BICRA: variants seen among roughly 807,000 people sequenced by gnomAD.
The protein encoded by BICRA is BRD4 interacting chromatin remodeling complex associated protein.
In BICRA, 31 loss-of-function variants were observed where a neutral mutation model predicts 96.9. The ratio of observed to expected loss-of-function variants is 0.32; its 90% CI spans 0.24 to 0.43. The LOEUF is 0.43. Among genes scored for constraint, BICRA ranks in the 20% least tolerant of loss-of-function variants. The pLI is 1.00. For missense variants in BICRA, 2,283 were observed against 2,190.3 expected (o/e 1.04, Z -0.84); for synonymous variants, 1,350 against 1,071.8 (o/e 1.26, Z -5.07).
At chr19:47,665,335 A>C (rs974766013) in intron 1 of BICRA, among the ~76,000 whole-genome samples, 1 of 152,254 alleles carries the variant, frequency 6.6e-6, no homozygotes, top group African/African-American at 2.4e-5. Context: ...TGTATGCCAC[A>C]TAATGTGCCA....
At chr19:47,695,623 C>G in intron 10 of BICRA, 149 bp downstream of exon 10, 1 of 608,132 alleles carries the variant, frequency 1.6e-6, no homozygotes, top group Non-Finnish European at 3.0e-6. Context: ...AACAGCCGTG[C>G]AGGGACAGGA....
chr19:47,647,516 C>T (rs557528569), intron 1 of BICRA, among the ~76,000 whole-genome samples: 35 of 152,158 alleles, frequency 2.3e-4, no homozygotes, highest in Middle Eastern at 3.4e-3. Flanking sequence ...ATGTGTTTTG[C>T]GGTCCACCTC....
intron 1 of BICRA, among the ~76,000 whole-genome samples, chr19:47,628,952 T>C (rs902966841): frequency 8.6e-5 from 13 of 151,670 alleles, no homozygotes; most frequent in African/African-American, 3.2e-4. Flanking sequence ...AAATGTACTT[T>C]TATTATGTAA....
chr19:47,629,150 C>T (rs985969775), intron 1 of BICRA, among the ~76,000 whole-genome samples: 4 of 152,132 alleles, frequency 2.6e-5, no homozygotes, highest in African/African-American at 9.7e-5. Flanking sequence ...TACAGGTGCC[C>T]ACCACCACGC....
chr19:47,623,827 G>A (rs777230199), intron 1 of BICRA, among the ~76,000 whole-genome samples: 27 of 151,154 alleles, frequency 1.8e-4, no homozygotes, highest in Middle Eastern at 6.9e-3. Context: ...GTGGAAGGAA[G>A]TGTTCTTTCT....
rs143580756 is a variant in BICRA, at chr19:47,634,954, G to A, written c.-108+25786G>A. Among the ~76,000 whole-genome samples, 1,069 of 151,848 alleles carry A rather than the reference G, an allele frequency of 7.0e-3. 9 individuals carry two copies. The highest frequency in any genetic ancestry group is 0.014 in the South Asian group (69 of 4,780). The stretch of plus-strand genomic sequence containing the variant: ...ATTTTTTGTATTTTTAGTAGAGATG[G>A]GGTTTCACTGTGTTAGCCAAGATGG... On this transcript the variant is annotated intron_variant, in intron 1 of 14. Transcript: ENST00000594866.
chr19:47,652,189 G>A (rs1323272274), intron 1 of BICRA, among the ~76,000 whole-genome samples: 2 of 152,110 alleles, frequency 1.3e-5, no homozygotes, highest in Non-Finnish European at 2.9e-5. Context: ...TGGAGGGGAG[G>A]AAGGTCATCT....
At chr19:47,651,920 C>T (rs1972546739) in intron 1 of BICRA, among the ~76,000 whole-genome samples, 1 of 152,176 alleles carries the variant, frequency 6.6e-6, no homozygotes, top group Non-Finnish European at 1.5e-5. Flanking sequence ...GGCTGCAAAC[C>T]CACGGCTTGC....
chr19:47,632,788 C>A (rs1267967813), intron 1 of BICRA, among the ~76,000 whole-genome samples: 1 of 152,166 alleles, frequency 6.6e-6, no homozygotes, highest in African/African-American at 2.4e-5. Context: ...CAGGCCCACC[C>A]AGCCTAGGGA....
chr19:47,625,357 C>T (rs1386288066), intron 1 of BICRA, among the ~76,000 whole-genome samples: 4 of 148,158 alleles, frequency 2.7e-5, no homozygotes, highest in African/African-American at 1.0e-4. Flanking sequence ...ATTGCGGTGG[C>T]GTGATTGTGG....
At chr19:47,649,994 C>T (rs1021771827) in intron 1 of BICRA, among the ~76,000 whole-genome samples, 6 of 151,988 alleles carry the variant, frequency 3.9e-5, no homozygotes, top group African/African-American at 4.8e-5. Context: ...CTCTGTCGCC[C>T]GAACTGGAGT....
chr19:47,638,240 G>A (rs1001494857), intron 1 of BICRA, among the ~76,000 whole-genome samples: 6 of 152,180 alleles, frequency 3.9e-5, no homozygotes, highest in Non-Finnish European at 1.5e-5. Context: ...CCCCCCTCAG[G>A]GAGGCCTCAG....
chr19:47,669,517 T>C (rs1972831354), intron 1 of BICRA, among the ~76,000 whole-genome samples: 1 of 152,134 alleles, frequency 6.6e-6, no homozygotes, highest in Non-Finnish European at 1.5e-5. Context: ...TAGTATAATG[T>C]TATATACTAT....
At position 47,679,457 on chromosome 19, in the gene BICRA, G is replaced by C; in HGVS notation, c.287G>C (p.Gly96Ala). Residue 96 changes from glycine (G) to alanine (A), a missense_variant, in exon 6 of 15, where the codon GGC (glycine) becomes GCC (alanine). By Grantham distance (60) the Gly-to-Ala change is moderately conservative (BLOSUM62 0). Transcript: ENST00000594866. ...ATGGGGGGSGGADQPCDILQQ... is the reference protein window; with the variant it reads ...ATGGGGGGSGAADQPCDILQQ... The stretch of plus-strand genomic sequence containing the variant: ...GGGGGCGGCGGCGGGGGCAGTGGGG[G>C]CGCTGACCAGCCCTGTGACATCCTC... 1 of 1,514,158 alleles carries C rather than the reference G, an allele frequency of 6.6e-7. No homozygotes were observed. Among genetic ancestry groups the C allele is most frequent in the Non-Finnish European group, 8.8e-7 (1 of 1,130,700 alleles). The allele number at this position is 1,514,158 out of a possible 1,614,324, so 93.8% of individuals were successfully genotyped here. A position where few individuals can be genotyped will look rare whatever the true frequency, so the allele number is the denominator to read the frequency against.
chr19:47,669,246 T>C (rs1264081984), intron 1 of BICRA, among the ~76,000 whole-genome samples: 1 of 152,152 alleles, frequency 6.6e-6, no homozygotes, highest in African/African-American at 2.4e-5. Flanking sequence ...GTGGGAGTTA[T>C]AGTCCTGTTA....
chr19:47,634,665 C>A (rs544035454), intron 1 of BICRA, among the ~76,000 whole-genome samples: 40 of 152,148 alleles, frequency 2.6e-4, no homozygotes, highest in African/African-American at 8.4e-4. Flanking sequence ...GTAAACGGCA[C>A]CATCTCAGTA....
Position 47,698,868 on chromosome 19 carries a change from C to G in BICRA, c.3397+86C>G, listed in dbSNP as rs7248050. The G allele has an allele frequency of 0.76, 1,020,513 of 1,341,958 alleles. 391,279 individuals carry two copies. Among genetic ancestry groups the G allele is most frequent in the East Asian group, 0.96 (38,636 of 40,096 alleles). 83.1% of individuals were successfully genotyped at this position (1,341,958 alleles called of 1,614,324 possible). A position where few individuals can be genotyped will look rare whatever the true frequency, so the allele number is the denominator to read the frequency against. On this transcript the variant is annotated intron_variant, in intron 12 of 14. Transcript: ENST00000594866. This position sits in a 1 kb window ranked among gnomAD's most constrained non-coding sequence, Gnocchi z 4.8. ...GCGTCGCCAGTGTGGAGCCGCAGGT[C>G]CACGGTGCGCTATGCTGACCCTGCC...
At chr19:47,625,508 T>G (rs57228478) in intron 1 of BICRA, among the ~76,000 whole-genome samples, 42,774 of 151,990 alleles carry the variant, frequency 0.28, 6,231 homozygotes, top group Non-Finnish European at 0.32. Flanking sequence ...GGTGACATCC[T>G]CAGGGTCTGA....
At chr19:47,692,825 G>A (rs570117228) in intron 7 of BICRA, among the ~76,000 whole-genome samples, 31 of 152,318 alleles carry the variant, frequency 2.0e-4, no homozygotes, top group Non-Finnish European at 2.9e-5. Context: ...ATGTCATGCC[G>A]AGATGCCCGG....
Sources: gnomAD v4.1 joint callset for allele counts (sites outside exome capture counted in the v4.1 genomes callset) on GRCh38, gnomAD v4.1.1 for gene constraint, Gnocchi (gnomAD v3.1) non-coding constraint, MANE v1.5 for transcripts, NCBI Gene and HGNC (gene_info 2026-07-23, HGNC 2026-07-21) for gene names.